Variants in TUBA3C observed in about 807,000 individuals in gnomAD.
The protein encoded by TUBA3C is tubulin alpha-3C chain.
In TUBA3C, 23 loss-of-function variants were observed where a neutral mutation model predicts 33.4. The observed-to-expected ratio is 0.69, with a 90% CI of 0.50 to 0.98. TUBA3C has a LOEUF of 0.98. TUBA3C is among the 50% of genes least tolerant of loss of function. The probability of loss-of-function intolerance (pLI) is 0.00; values close to 1 mark genes in which losing one functional copy is unlikely to be tolerated. For synonymous variants in TUBA3C, 269 were observed against 250.4 expected (o/e 1.07, Z -0.70); for missense variants, 402 against 616.0 (o/e 0.65, Z 3.68).
In TUBA3C at chr13:19,179,397, C is replaced by A. The variant is rs1226855350; in HGVS notation, c.170G>T (p.Gly57Val). 6.2e-7 allele frequency: 1 copy of A among 1,613,856 alleles called. No individual in the cohort carries two copies. The highest frequency in any genetic ancestry group is 8.5e-7 in the Non-Finnish European group (1 of 1,179,908). Residue 57 changes from glycine (G) to valine (V), a missense_variant, in exon 2 of 5, where the codon GGA (glycine) becomes GTA (valine). Physicochemically the swap from Gly to Val is moderately radical, Grantham distance 109. Transcript: ENST00000400113. Reference protein sequence around the residue: ...DSFNTFFSETGAGKHVPRAVF... With the variant: ...DSFNTFFSETVAGKHVPRAVF... ...TGCTCTGGGCACGTGCTTGCCAGCTCCAGTCTCACTGAAGAACGTGTTGAA... is the reference window on the plus strand; with the variant it reads ...TGCTCTGGGCACGTGCTTGCCAGCTACAGTCTCACTGAAGAACGTGTTGAA...
At chr13:19,176,868 T>C in intron 4 of TUBA3C, 59 bp downstream of exon 4, 2 of 1,576,044 alleles carry the variant, frequency 1.3e-6, no homozygotes, top group Non-Finnish European at 1.7e-6. Context: ...GGGGCAGCAT[T>C]ACTCTGTGTG....
Position 19,174,135 on chromosome 13 carries a change from T to TG in TUBA3C, c.1080dup (p.Thr361HisfsTer34), listed in dbSNP as rs750889205. On this transcript the variant is annotated frameshift_variant, in exon 5 of 5. Coordinates refer to ENST00000400113, the MANE Select transcript of TUBA3C (RefSeq NM_006001.3). LOFTEE classifies it high-confidence loss of function. The stretch of plus-strand genomic sequence containing the variant: ...GCCAGGTCTCCCCCAGGGACCACCG[T>TG]GGGGGGCTGGTAGTTAATGCCCACC... The TG allele has an allele frequency of 6.2e-7, 1 of 1,612,824 alleles. No individual in the cohort carries two copies. Among genetic ancestry groups the TG allele is most frequent in the South Asian group, 1.1e-5 (1 of 90,996 alleles).
At position 19,177,038 on chromosome 13, in the gene TUBA3C, G is replaced by A. The variant is rs368886735; in HGVS notation, c.945C>T (p.Cys315=). The A allele has an allele frequency of 1.2e-6, 2 of 1,614,156 alleles. No individual in the cohort carries two copies. Among genetic ancestry groups the A allele is most frequent in the Non-Finnish European group, 1.7e-6 (2 of 1,180,042 alleles). ...CDPRHGKYMA[C]CMLYRGDVVP... ...CCACATCCCCCCTGTACAACATGCA[G>A]CAGGCCATGTACTTGCCGTGGCGAG... Residue 315 remains cysteine (C), a synonymous_variant, in exon 4 of 5, where the codon TGC becomes TGT. Coordinates refer to ENST00000400113, the MANE Select transcript of TUBA3C (RefSeq NM_006001.3). This position sits in a 1 kb window ranked among gnomAD's most constrained non-coding sequence, Gnocchi z 5.0.
chr13:19,177,676 G>A lies in TUBA3C; in HGVS notation c.376-69C>T. ...CACCACCAACCTCCACCAAGCCAGG[G>A]CCACTTCTCTGCCTCTGAAGACTTG... is the stretch of plus-strand genomic sequence containing the variant. On this transcript the variant is annotated intron_variant, in intron 3 of 4. Coordinates refer to ENST00000400113, the MANE Select transcript of TUBA3C (RefSeq NM_006001.3). This position sits in a 1 kb window ranked among gnomAD's most constrained non-coding sequence, Gnocchi z 5.0. 2 of 1,512,562 alleles carry A rather than the reference G, an allele frequency of 1.3e-6. No individual in the cohort carries two copies. Among genetic ancestry groups the A allele is most frequent in the Non-Finnish European group, 1.8e-6 (2 of 1,130,816 alleles). 93.7% of individuals were successfully genotyped at this position (1,512,562 alleles called of 1,614,324 possible).
In TUBA3C at chr13:19,177,665, A is replaced by G; in HGVS notation, c.376-58T>C. On this transcript the variant is annotated intron_variant, in intron 3 of 4. Transcript: ENST00000400113. This position sits in a 1 kb window ranked among gnomAD's most constrained non-coding sequence, Gnocchi z 5.0. ...CGTGGAAGCCACACCACCAACCTCC[A>G]CCAAGCCAGGGCCACTTCTCTGCCT... is the stretch of plus-strand genomic sequence containing the variant. The G allele has an allele frequency of 6.6e-7, 1 of 1,521,320 alleles. No individual in the cohort carries two copies. Among genetic ancestry groups the G allele is most frequent in the Non-Finnish European group, 8.8e-7 (1 of 1,136,876 alleles). 94.2% of individuals were successfully genotyped at this position (1,521,320 alleles called of 1,614,324 possible).
At chr13:19,175,605 C>A (rs1344369857) in intron 4 of TUBA3C, among the ~76,000 whole-genome samples, 1 of 152,146 alleles carries the variant, frequency 6.6e-6, no homozygotes, top group Non-Finnish European at 1.5e-5. Context: ...CTGGACTAGC[C>A]ACCTAATTTT....
At chr13:19,180,427 C>A (rs1437423386) in intron 1 of TUBA3C, among the ~76,000 whole-genome samples, 4 of 152,090 alleles carry the variant, frequency 2.6e-5, no homozygotes, top group Non-Finnish European at 5.9e-5. Context: ...TGGCTCATGC[C>A]TGTAATTCCA....
At chr13:19,181,651 C>T (rs369648631) in intron 1 of TUBA3C, 94 bp downstream of exon 1, 424 of 1,570,474 alleles carry the variant, frequency 2.7e-4, no homozygotes, top group African/African-American at 7.9e-4. Flanking sequence ...CACCCTGGCC[C>T]GCAACAGCAT....
At chr13:19,181,656 C>G (rs1328348107) in intron 1 of TUBA3C, 89 bp downstream of exon 1, 2 of 1,579,486 alleles carry the variant, frequency 1.3e-6, no homozygotes, top group Admixed American at 1.7e-5. Context: ...TGGCCCGCAA[C>G]AGCATCCCTC....
chr13:19,174,258 G>A (rs541766776), intron 4 of TUBA3C, 99 bp from the exon 5 acceptor site: 1 of 1,453,472 alleles, frequency 6.9e-7, no homozygotes, highest in East Asian at 2.4e-5. Context: ...AGGTGAACAG[G>A]AGAATTCTCA....
intron 2 of TUBA3C, among the ~76,000 whole-genome samples, chr13:19,178,692 TA>T (rs1311070360): frequency 6.6e-6 from 1 of 152,136 alleles, no homozygotes; most frequent in Non-Finnish European, 1.5e-5. Flanking sequence ...CCCACACAGG[TA>T]ATTCTACAGG....
intron 1 of TUBA3C, among the ~76,000 whole-genome samples, chr13:19,180,248 A>T (rs1869354385): frequency 6.6e-6 from 1 of 151,976 alleles, no homozygotes. Context: ...TCAAGGCCAC[A>T]CTTTTGGCAG....
intron 1 of TUBA3C, among the ~76,000 whole-genome samples, chr13:19,179,766 T>G (rs566926254): frequency 6.6e-6 from 1 of 152,288 alleles, no homozygotes; most frequent in South Asian, 2.1e-4. Context: ...GCTGCTAAGT[T>G]CCAGAGGTAG....
rs1172814310 is a variant in TUBA3C, at chr13:19,181,771, C to T, written c.-24G>A. On this transcript the variant is annotated 5_prime_UTR_variant, in exon 1 of 5. Transcript: ENST00000400113. ...ATGTTGAGCTCCTCCGCTGCCGCAG[C>T]CCAACGCTACTACTTGACCTCAACC... 1.9e-6 allele frequency: 3 copies of T among 1,601,816 alleles called. No homozygotes were observed. The highest frequency in any genetic ancestry group is 2.2e-5 in the South Asian group (2 of 91,030).
rs1317215339 is a variant in TUBA3C at position 19,179,415 on chromosome 13, G to A, written c.152C>T (p.Thr51Met). The A allele has an allele frequency of 1.9e-6, 3 of 1,613,884 alleles. No individual in the cohort carries two copies. Among genetic ancestry groups the A allele is most frequent in the South Asian group, 2.2e-5 (2 of 91,062 alleles). Residue 51 changes from threonine (T) to methionine (M), a missense_variant, in exon 2 of 5, where the codon ACG becomes ATG. By Grantham distance (81) the Thr-to-Met change is moderately conservative (BLOSUM62 -1). Coordinates refer to ENST00000400113, the MANE Select transcript of TUBA3C (RefSeq NM_006001.3). ...GCCAGCTCCAGTCTCACTGAAGAAC[G>A]TGTTGAAGGAGTCGTCCCCACCACC... is the stretch of plus-strand genomic sequence containing the variant. ...TIGGGDDSFN[T>M]FFSETGAGKH...
intron 1 of TUBA3C, 75 bp downstream of exon 1, chr13:19,181,670 C>T: frequency 6.3e-7 from 1 of 1,594,524 alleles, no homozygotes; most frequent in Non-Finnish European, 8.5e-7. Context: ...ATCCCTCCAT[C>T]CAGCCACCTC....
At position 19,181,778 on chromosome 13, in the gene TUBA3C, C is replaced by A. The variant is rs780391253; in HGVS notation, c.-31G>T. The stretch of plus-strand genomic sequence containing the variant: ...GCTCCTCCGCTGCCGCAGCCCAACG[C>A]TACTACTTGACCTCAACCGCCGCTG... On this transcript the variant is annotated 5_prime_UTR_variant, in exon 1 of 5. Transcript: ENST00000400113. 2 of 1,601,066 alleles carry A rather than the reference C, an allele frequency of 1.2e-6. No homozygotes were observed. Among genetic ancestry groups the A allele is most frequent in the East Asian group, 2.2e-5 (1 of 44,838 alleles).
intron 1 of TUBA3C, among the ~76,000 whole-genome samples, chr13:19,180,652 T>C (rs966031575): frequency 1.6e-4 from 25 of 152,086 alleles, no homozygotes; most frequent in East Asian, 3.9e-4. Flanking sequence ...CAGGCCACTA[T>C]GCCCAACTAA....
chr13:19,181,235 G>A (rs1350790490), intron 1 of TUBA3C, among the ~76,000 whole-genome samples: 1 of 151,894 alleles, frequency 6.6e-6, no homozygotes, highest in Admixed American at 6.6e-5. Context: ...ATTTTTAGTA[G>A]AGAAGGGATT....
Sources: allele counts gnomAD v4.1 joint callset (sites outside exome capture counted in the v4.1 genomes callset), GRCh38; gene constraint gnomAD v4.1.1; non-coding constraint Gnocchi (gnomAD v3.1); transcripts MANE v1.5; gene names NCBI Gene and HGNC (gene_info 2026-07-23, HGNC 2026-07-21).